The following PDE1A variants were observed in gnomAD, a reference collection of about 807,000 sequenced individuals.
PDE1A encodes the protein phosphodiesterase 1A.
A neutral mutation model predicts 61.7 loss-of-function variants in PDE1A; 35 were observed. The observed-to-expected ratio is 0.57, with a 90% CI of 0.43 to 0.75. PDE1A has a LOEUF of 0.75. Among genes scored for constraint, PDE1A ranks in the 30% least tolerant of loss-of-function variants. PDE1A has a pLI of 0.00. For synonymous variants in PDE1A, 232 were observed against 213.2 expected, an observed-to-expected ratio of 1.09 and a Z score of -0.77; for missense variants, 597 against 630.6, an observed-to-expected ratio of 0.95 and a Z score of 0.57.
chr2:182,557,969 T>C, the PDE1A span, among the ~76,000 whole-genome samples: 1 of 152,148 alleles, frequency 6.6e-6, no homozygotes, highest in Admixed American at 6.5e-5. Flanking sequence ...GGAACTTTTC[T>C]TTATAAATTG....
chr2:182,493,306 A>G (rs1183586009), intron 2 of PDE1A, among the ~76,000 whole-genome samples: 1 of 145,946 alleles, frequency 6.9e-6, no homozygotes, highest in African/African-American at 2.5e-5. Context: ...TATATACTTT[A>G]AGTTCTAGGG....
chr2:182,644,386 T>C, the PDE1A span, among the ~76,000 whole-genome samples: 2 of 151,692 alleles, frequency 1.3e-5, no homozygotes, highest in African/African-American at 4.8e-5. Flanking sequence ...TGGTGGTTTC[T>C]AGAGTTAATG....
In PDE1A at chr2:182,217,896, C is replaced by T. The variant is rs1325957529; in HGVS notation, c.776+5968G>A. On this transcript the variant is annotated intron_variant, in intron 7 of 13. Coordinates refer to ENST00000351439, the Ensembl canonical transcript of PDE1A. Reference sequence around the variant, plus strand: ...GGGATCTAGAACTGGAAATACCATTCGACCCAGCCATCCCATTACTGGGTA... The same window carrying T: ...GGGATCTAGAACTGGAAATACCATTTGACCCAGCCATCCCATTACTGGGTA... Among the ~76,000 whole-genome samples the T allele has an allele frequency of 4.9e-4, 75 of 151,922 alleles. 1 individual carries two copies. The highest frequency in any genetic ancestry group is 3.4e-3 in the Middle Eastern group (1 of 294).
chr2:182,568,480 AG>A, the PDE1A span, among the ~76,000 whole-genome samples: 1 of 151,712 alleles, frequency 6.6e-6, no homozygotes, highest in South Asian at 2.1e-4. Context: ...AGATCGAGAC[AG>A]CGGTGAAACC....
the PDE1A span, among the ~76,000 whole-genome samples, chr2:182,592,464 A>C: frequency 6.6e-6 from 1 of 152,220 alleles, no homozygotes; most frequent in East Asian, 1.9e-4. Flanking sequence ...GTGCATTTAC[A>C]CTTGAACTTG....
chr2:182,373,551 C>T (rs1427127129), intron 1 of PDE1A, among the ~76,000 whole-genome samples: 1 of 152,156 alleles, frequency 6.6e-6, no homozygotes, highest in African/African-American at 2.4e-5. Context: ...AGTTCTCACA[C>T]AGCTGAAACA....
At chr2:182,370,221 T>C (rs1044625485) in intron 1 of PDE1A, among the ~76,000 whole-genome samples, 5 of 151,934 alleles carry the variant, frequency 3.3e-5, no homozygotes, top group Admixed American at 1.3e-4. Flanking sequence ...GAAAGGAGGT[T>C]AATCTTTTTT....
chr2:182,564,741 T>C, the PDE1A span, among the ~76,000 whole-genome samples: 1 of 152,292 alleles, frequency 6.6e-6, no homozygotes, highest in East Asian at 1.9e-4. Flanking sequence ...TCTTGGAGGC[T>C]TTGTTCGTTT....
intron 2 of PDE1A, among the ~76,000 whole-genome samples, chr2:182,511,354 T>C (rs6433976): frequency 0.77 from 117,171 of 151,936 alleles, 47,180 homozygotes; most frequent in East Asian, 0.99. Flanking sequence ...GCGAATGCTG[T>C]ATGGGATTGC....
the PDE1A span, among the ~76,000 whole-genome samples, chr2:182,595,900 C>A: frequency 6.6e-6 from 1 of 152,242 alleles, no homozygotes; most frequent in East Asian, 1.9e-4. Context: ...AAGTTCTCAA[C>A]CCTCATAGCA....
At chr2:182,188,092 T>C (rs1329120222) in intron 11 of PDE1A, among the ~76,000 whole-genome samples, 5 of 152,142 alleles carry the variant, frequency 3.3e-5, no homozygotes, top group African/African-American at 1.2e-4. Context: ...AACTGGGGCA[T>C]CACCTCTACT....
At chr2:182,651,543 T>C in the PDE1A span, among the ~76,000 whole-genome samples, 1 of 152,246 alleles carries the variant, frequency 6.6e-6, no homozygotes, top group Non-Finnish European at 1.5e-5. Context: ...ATTTGTATTC[T>C]ACTTTCTATG....
downstream of PDE1A, among the ~76,000 whole-genome samples, chr2:182,145,211 A>G (rs1284597893): frequency 6.6e-6 from 1 of 152,232 alleles, no homozygotes; most frequent in East Asian, 1.9e-4. Flanking sequence ...GTATCAACTC[A>G]GTTGCAGCAG....
intron 2 of PDE1A, among the ~76,000 whole-genome samples, chr2:182,458,603 C>T (rs1004202059): frequency 1.3e-5 from 2 of 151,986 alleles, no homozygotes; most frequent in African/African-American, 4.8e-5. Flanking sequence ...TGAGTGTAAT[C>T]GAGAAAACTA....
intron 1 of PDE1A, among the ~76,000 whole-genome samples, chr2:182,362,130 T>C (rs1287623841): frequency 6.6e-6 from 1 of 152,068 alleles, no homozygotes; most frequent in Non-Finnish European, 1.5e-5. Context: ...AGATGTTTGC[T>C]AGTCTGGTAC....
chr2:182,533,742 G>A, the PDE1A span, among the ~76,000 whole-genome samples: 1 of 151,982 alleles, frequency 6.6e-6, no homozygotes, highest in African/African-American at 2.4e-5. Context: ...ACAAATTTCT[G>A]GTCTTTCAGG....
intron 1 of PDE1A, among the ~76,000 whole-genome samples, chr2:182,384,940 C>A (rs1222365469): frequency 2.0e-5 from 3 of 152,052 alleles, no homozygotes; most frequent in African/African-American, 7.2e-5. Flanking sequence ...AAGGAAATAG[C>A]ATATAATAGG....
the PDE1A span, among the ~76,000 whole-genome samples, chr2:182,655,293 C>T: frequency 6.6e-6 from 1 of 152,170 alleles, no homozygotes; most frequent in Admixed American, 6.5e-5. Context: ...TCTAAAGGTT[C>T]TGGCTTCTCT....
chr2:182,409,295 T>G (rs1702477190), intron 1 of PDE1A, among the ~76,000 whole-genome samples: 1 of 152,190 alleles, frequency 6.6e-6, no homozygotes, highest in Non-Finnish European at 1.5e-5. Context: ...AACAGAATAA[T>G]GACTTCAATG....
Sources: allele counts gnomAD v4.1 joint callset (sites outside exome capture counted in the v4.1 genomes callset), GRCh38; gene constraint gnomAD v4.1.1; transcripts MANE v1.5; gene names NCBI Gene and HGNC (gene_info 2026-07-23, HGNC 2026-07-21).